AKT3: variants seen among roughly 807,000 people sequenced by gnomAD.
AKT3 encodes RAC-gamma serine/threonine-protein kinase.
A neutral mutation model predicts 65.3 loss-of-function variants in AKT3; 15 were observed. That is an observed-to-expected ratio of 0.23 (90% CI 0.15 to 0.35). The LOEUF (loss-of-function observed/expected upper bound fraction) is 0.35. Among genes scored for constraint, AKT3 ranks in the 10% least tolerant of loss-of-function variants. AKT3 has a pLI of 1.00. For synonymous variants in AKT3, 206 were observed against 183.8 expected (o/e 1.12, Z -0.98); for missense variants, 243 against 576.5 (o/e 0.42, Z 5.92).
Position 243,788,433 on chromosome 1 carries a change from C to T in AKT3, c.46+54692G>A, listed in dbSNP as rs563169819. Among the ~76,000 whole-genome samples the T allele has an allele frequency of 3.9e-4, 59 of 152,206 alleles. 1 individual carries two copies. The highest frequency in any genetic ancestry group is 1.3e-3 in the African/African-American group (54 of 41,520). On this transcript the variant is annotated intron_variant, in intron 2 of 13. Coordinates refer to ENST00000673466, the MANE Select transcript of AKT3 (RefSeq NM_005465.7). ...GTGAGTGCAGCTATCCCTGGGTATT[C>T]GTGGGGGGGACTGATTCCGGGACCC...
chr1:243,676,712 T>C (rs1170298269), intron 3 of AKT3, among the ~76,000 whole-genome samples: 4 of 152,214 alleles, frequency 2.6e-5, no homozygotes, highest in Non-Finnish European at 4.4e-5. Context: ...CTCTGGCTCG[T>C]CCTTCTCTTT....
chr1:243,767,425 T>C (rs150048861), intron 2 of AKT3, among the ~76,000 whole-genome samples: 23 of 152,282 alleles, frequency 1.5e-4, no homozygotes, highest in Admixed American at 3.3e-4. Flanking sequence ...AAGATGAGCA[T>C]AGACTAATAT....
At chr1:243,755,986 G>A (rs1689114210) in intron 2 of AKT3, among the ~76,000 whole-genome samples, 1 of 152,194 alleles carries the variant, frequency 6.6e-6, no homozygotes, top group Non-Finnish European at 1.5e-5. Context: ...GTAGTGGCCA[G>A]CATGATTGAG....
At chr1:243,568,596 T>C (rs1253460074) in intron 9 of AKT3, among the ~76,000 whole-genome samples, 1 of 152,224 alleles carries the variant, frequency 6.6e-6, no homozygotes, top group African/African-American at 2.4e-5. Context: ...TTTTTTCCTG[T>C]GCTTAGTGGG....
intron 6 of AKT3, among the ~76,000 whole-genome samples, chr1:243,623,031 C>A (rs1352901970): frequency 2.0e-5 from 3 of 152,222 alleles, no homozygotes; most frequent in Admixed American, 6.5e-5. Flanking sequence ...AGAACTGGCG[C>A]CGTTGGCCAA....
chr1:243,662,192 C>A (rs970996134), intron 4 of AKT3, among the ~76,000 whole-genome samples: 2 of 152,098 alleles, frequency 1.3e-5, no homozygotes, highest in African/African-American at 2.4e-5. Context: ...TTGACCCAGC[C>A]ATCCCATAAC....
chr1:243,711,873 C>T (rs900240421), intron 2 of AKT3, among the ~76,000 whole-genome samples: 2 of 152,086 alleles, frequency 1.3e-5, no homozygotes, highest in African/African-American at 4.8e-5. Context: ...TTTCAATCAC[C>T]TTAATATGTA....
intron 8 of AKT3, among the ~76,000 whole-genome samples, chr1:243,611,445 G>A (rs1279186500): frequency 6.6e-6 from 1 of 152,118 alleles, no homozygotes; most frequent in Non-Finnish European, 1.5e-5. Context: ...CCCTGTGAAA[G>A]GCTGACGTGG....
intron 8 of AKT3, among the ~76,000 whole-genome samples, chr1:243,597,059 A>G (rs1448165181): frequency 6.6e-6 from 1 of 152,228 alleles, no homozygotes; most frequent in Non-Finnish European, 1.5e-5. Flanking sequence ...TACTATGGGT[A>G]CAGGGAAGAC....
chr1:243,542,635 GA>G (rs778404714), intron 12 of AKT3, among the ~76,000 whole-genome samples: 33 of 152,230 alleles, frequency 2.2e-4, no homozygotes, highest in Non-Finnish European at 3.2e-4. Flanking sequence ...ACATTTTAAA[GA>G]TATAAGGACT....
intron 2 of AKT3, among the ~76,000 whole-genome samples, chr1:243,807,320 G>A (rs1208830619): frequency 1.3e-5 from 2 of 152,182 alleles, no homozygotes; most frequent in Non-Finnish European, 2.9e-5. Context: ...CTGGAAAATC[G>A]GGTCACTCCC....
chr1:243,717,884 T>C (rs1235794161), intron 2 of AKT3, among the ~76,000 whole-genome samples: 2 of 152,232 alleles, frequency 1.3e-5, no homozygotes, highest in African/African-American at 2.4e-5. Context: ...ACATACATTG[T>C]ACATTATACT....
In AKT3 at chr1:243,772,693, C is replaced by A. The variant is rs1041187534; in HGVS notation, c.46+70432G>T. Among the ~76,000 whole-genome samples the A allele has an allele frequency of 9.2e-5, 14 of 152,178 alleles. No individual in the cohort carries two copies. The East Asian group carries it at 1.7e-3, about 19-fold the overall frequency. On this transcript the variant is annotated intron_variant, in intron 2 of 13. Coordinates refer to ENST00000673466, the MANE Select transcript of AKT3 (RefSeq NM_005465.7). ...CCAGCCATCCCATTACTGGGTATAT[C>A]CCCAAAGGAATATAAATCATGCTGC...
At chr1:243,792,361 A>G (rs1001070093) in intron 2 of AKT3, among the ~76,000 whole-genome samples, 2 of 152,206 alleles carry the variant, frequency 1.3e-5, no homozygotes, top group Non-Finnish European at 2.9e-5. Context: ...ATTATAGATA[A>G]AAGTCAGCAA....
chr1:243,615,842 C>T (rs112275597), intron 6 of AKT3, among the ~76,000 whole-genome samples: 2,499 of 152,132 alleles, frequency 0.016, 74 homozygotes, highest in African/African-American at 0.056. Flanking sequence ...AGCATTACTC[C>T]TGCCTCAGCC....
chr1:243,822,326 G>C (rs1201465651), intron 2 of AKT3, among the ~76,000 whole-genome samples: 1 of 152,038 alleles, frequency 6.6e-6, no homozygotes, highest in East Asian at 1.9e-4. Context: ...CAAAATACTA[G>C]AAAGATCTCA....
At chr1:243,804,349 TAC>T (rs1252252326) in intron 2 of AKT3, among the ~76,000 whole-genome samples, 16 of 152,220 alleles carry the variant, frequency 1.1e-4, no homozygotes, top group African/African-American at 3.9e-4. Flanking sequence ...AAACTAGTAA[TAC>T]ATTTAGTGTT....
At chr1:243,809,965 A>C (rs988189777) in intron 2 of AKT3, among the ~76,000 whole-genome samples, 1 of 151,958 alleles carries the variant, frequency 6.6e-6, no homozygotes, top group Non-Finnish European at 1.5e-5. Flanking sequence ...GGCAGAAATA[A>C]AGATGTTCTT....
At chr1:243,641,258 G>A (rs868528580) in intron 5 of AKT3, among the ~76,000 whole-genome samples, 35 of 141,178 alleles carry the variant, frequency 2.5e-4, no homozygotes, top group African/African-American at 2.9e-4. Context: ...ATGTGTGTGT[G>A]TATATATATA....
Sources: gnomAD v4.1 joint callset for allele counts (sites outside exome capture counted in the v4.1 genomes callset) on GRCh38, gnomAD v4.1.1 for gene constraint, MANE v1.5 for transcripts, NCBI Gene and HGNC (gene_info 2026-07-23, HGNC 2026-07-21) for gene names.